The following CFAP54 variants were observed in gnomAD, a reference collection of about 807,000 sequenced individuals.
The protein encoded by CFAP54 is cilia and flagella associated protein 54.
In CFAP54, 290 loss-of-function variants were observed where a neutral mutation model predicts 370.4. The observed-to-expected ratio is 0.78, with a 90% CI of 0.71 to 0.86. The LOEUF is 0.86. CFAP54 is among the 40% of genes least tolerant of loss of function. The pLI is 0.00. For synonymous variants in CFAP54, 1,206 were observed against 1,236.5 expected, an observed-to-expected ratio of 0.98 and a Z score of 0.52; for missense variants, 3,399 against 3,528.7, an observed-to-expected ratio of 0.96 and a Z score of 0.93.
chr12:96,680,671 C>G (rs2136548841), intron 40 of CFAP54, among the ~76,000 whole-genome samples: 1 of 152,042 alleles, frequency 6.6e-6, no homozygotes, highest in East Asian at 1.9e-4. Context: ...TTGCCCACCC[C>G]CCACACTTTC....
At chr12:96,576,330 A>G (rs1262804710) in intron 19 of CFAP54, among the ~76,000 whole-genome samples, 2 of 151,778 alleles carry the variant, frequency 1.3e-5, no homozygotes, top group Non-Finnish European at 2.9e-5. Context: ...ATATTCATGT[A>G]TGATAATAAT....
chr12:96,727,052 A>C (rs1361928127), intron 50 of CFAP54, among the ~76,000 whole-genome samples: 2 of 151,976 alleles, frequency 1.3e-5, no homozygotes, highest in East Asian at 3.9e-4. Flanking sequence ...AGTTTGTTAT[A>C]ATTTCTGTTC....
At chr12:96,759,122 C>T (rs904450039) in intron 58 of CFAP54, among the ~76,000 whole-genome samples, 1 of 151,802 alleles carries the variant, frequency 6.6e-6, no homozygotes, top group African/African-American at 2.4e-5. Context: ...GATTTAAAAC[C>T]TTTAGGCAAA....
At chr12:96,847,324 TCC>T (rs1959388371) in intron 66 of CFAP54, among the ~76,000 whole-genome samples, 1 of 151,736 alleles carries the variant, frequency 6.6e-6, no homozygotes, top group Non-Finnish European at 1.5e-5. Flanking sequence ...CCCAGCACTC[TCC>T]TGGTGAGCTC....
rs1956028349 is a variant in CFAP54, at chr12:96,581,054, T to C, written c.3024T>C (p.Ile1008=). ...GGAIGETTKP[I]LVYPPLSTIT... ...CTATTGGGGAGACAACTAAACCAAT[T>C]CTGGTTTATCCCCCTCTTTCTACTA... is the stretch of plus-strand genomic sequence containing the variant. Residue 1008 remains isoleucine (I), a synonymous_variant, in exon 22 of 68, where the codon ATT becomes ATC. Coordinates refer to ENST00000524981, the MANE Select transcript of CFAP54 (RefSeq NM_001306084.2). 6.5e-7 allele frequency: 1 copy of C among 1,529,472 alleles called. No homozygotes were observed. The highest frequency in any genetic ancestry group is 8.7e-7 in the Non-Finnish European group (1 of 1,143,384). The allele number at this position is 1,529,472 out of a possible 1,614,324, so 94.7% of individuals were successfully genotyped here.
intron 19 of CFAP54, among the ~76,000 whole-genome samples, chr12:96,565,903 G>A (rs185101025): frequency 2.0e-5 from 3 of 152,276 alleles, no homozygotes; most frequent in East Asian, 1.9e-4. Context: ...TGGGAGGGAC[G>A]AGGTGGAGAT....
chr12:96,804,231 G>A (rs1453095224), intron 63 of CFAP54, among the ~76,000 whole-genome samples: 1 of 152,062 alleles, frequency 6.6e-6, no homozygotes, highest in African/African-American at 2.4e-5. Context: ...GCTGGAACAA[G>A]GAAAGGATGC....
intron 63 of CFAP54, among the ~76,000 whole-genome samples, chr12:96,796,606 G>A (rs1279819870): frequency 6.6e-6 from 1 of 152,034 alleles, no homozygotes; most frequent in East Asian, 1.9e-4. Flanking sequence ...TATCTTCTCT[G>A]GTAGTTTGTG....
chr12:96,781,644 G>A (rs757904796), intron 60 of CFAP54, among the ~76,000 whole-genome samples: 3 of 152,044 alleles, frequency 2.0e-5, no homozygotes, highest in Non-Finnish European at 2.9e-5. Context: ...ACAAAGGAAG[G>A]CATCAAGAGA....
chr12:96,779,767 G>A (rs1958563425), intron 60 of CFAP54, among the ~76,000 whole-genome samples: 1 of 151,096 alleles, frequency 6.6e-6, no homozygotes, highest in Non-Finnish European at 1.5e-5. Context: ...TAAAAAGAAA[G>A]TTACTTGAGA....
intron 22 of CFAP54, among the ~76,000 whole-genome samples, chr12:96,583,559 A>T (rs1956050062): frequency 6.6e-6 from 1 of 152,226 alleles, no homozygotes; most frequent in South Asian, 2.1e-4. Flanking sequence ...AAAATTTATT[A>T]TTCCACTTAT....
intron 9 of CFAP54, among the ~76,000 whole-genome samples, chr12:96,531,681 C>A (rs1386391299): frequency 6.6e-6 from 1 of 151,978 alleles, no homozygotes; most frequent in Non-Finnish European, 1.5e-5. Flanking sequence ...TTCTGTTTAC[C>A]TATTTAATTA....
intron 45 of CFAP54, among the ~76,000 whole-genome samples, chr12:96,698,573 A>G (rs1375310529): frequency 1.3e-5 from 2 of 152,230 alleles, no homozygotes; most frequent in Non-Finnish European, 2.9e-5. Flanking sequence ...AGACTAACCC[A>G]GGAACAGAAA....
intron 27 of CFAP54, among the ~76,000 whole-genome samples, chr12:96,622,109 A>G (rs1044241273): frequency 6.6e-6 from 1 of 151,732 alleles, no homozygotes; most frequent in African/African-American, 2.4e-5. Flanking sequence ...TACATGTCAG[A>G]GTTTTTTTAC....
In CFAP54 at chr12:96,540,912, G is replaced by T; in HGVS notation, c.2002G>T (p.Ala668Ser). Residue 668 changes from alanine to serine, a missense_variant, in exon 14 of 68, where the codon GCA becomes TCA. Physicochemically the swap from Ala to Ser is moderately conservative, Grantham distance 99 (BLOSUM62 1). Around this residue, in one of 3 missense-constraint regions of CFAP54, gnomAD observed 2,796 missense variants for 2,869.7 expected, o/e 0.97. Transcript: ENST00000524981. Reference protein sequence around the residue: ...KMEDIDIVVVAEVTLRLSEIL... With the variant: ...KMEDIDIVVVSEVTLRLSEIL... ...GGAAGACATTGACATTGTGGTAGTG[G>T]CAGAAGTCACATTACGGTTAAGTGA... 6.6e-7 allele frequency: 1 copy of T among 1,519,680 alleles called. No homozygotes were observed. Among genetic ancestry groups the T allele is most frequent in the Admixed American group, 2.1e-5 (1 of 48,546 alleles). 94.1% of individuals were successfully genotyped at this position (1,519,680 alleles called of 1,614,324 possible).
chr12:96,633,929 T>C (rs1337593209), intron 32 of CFAP54, among the ~76,000 whole-genome samples: 2 of 152,142 alleles, frequency 1.3e-5, no homozygotes. Context: ...TTTCTACTCA[T>C]GCTTTCCAGC....
At chr12:96,746,147 C>A (rs1958112203) in intron 55 of CFAP54, among the ~76,000 whole-genome samples, 1 of 151,762 alleles carries the variant, frequency 6.6e-6, no homozygotes, top group Non-Finnish European at 1.5e-5. Context: ...GCACTTTTAC[C>A]CCTCTCTCAC....
At chr12:96,605,856 A>C (rs748851704) in intron 26 of CFAP54, among the ~76,000 whole-genome samples, 8 of 152,198 alleles carry the variant, frequency 5.3e-5, no homozygotes, top group Non-Finnish European at 7.3e-5. Context: ...GATGAGACTT[A>C]GGTATGCTCT....
At chr12:96,785,231 T>G (rs2136694149) in intron 61 of CFAP54, among the ~76,000 whole-genome samples, 4 of 152,252 alleles carry the variant, frequency 2.6e-5, no homozygotes. Context: ...CATTTTGGCT[T>G]TAGAGAAAGA....
Sources: gnomAD v4.1 joint callset for allele counts (sites outside exome capture counted in the v4.1 genomes callset) on GRCh38, gnomAD v4.1.1 for gene constraint, gnomAD v4.1.1 regional missense constraint, MANE v1.5 for transcripts, NCBI Gene and HGNC (gene_info 2026-07-23, HGNC 2026-07-21) for gene names.